LY86: variants seen among roughly 807,000 people sequenced by gnomAD.
LY86 encodes the protein lymphocyte antigen 86, also known as MD-1, RP105-associated.
Under a neutral mutation model 17.3 loss-of-function variants are expected in LY86, and 20 were observed. The ratio of observed to expected loss-of-function variants is 1.15; its 90% CI spans 0.81 to 1.68. The LOEUF (loss-of-function observed/expected upper bound fraction) is 1.68, where lower values mean the gene tolerates loss of function less well. Ranked by LOEUF, LY86 falls within the 40% of genes most tolerant of loss-of-function variation. LY86 has a pLI of 0.00. For missense variants in LY86, 200 were observed against 191.9 expected (o/e 1.04, Z -0.25); for synonymous variants, 74 against 70.6 (o/e 1.05, Z -0.24).
intron 1 of LY86, among the ~76,000 whole-genome samples, chr6:6,594,849 A>C (rs73365321): frequency 6.6e-6 from 1 of 152,124 alleles, no homozygotes; most frequent in East Asian, 1.9e-4. Flanking sequence ...GGATATAGAA[A>C]CTGAAGCGTA....
intron 1 of LY86, chr6:6,622,563 C>T (rs1761704709): frequency 6.6e-6 from 1 of 152,204 alleles, no homozygotes; most frequent in South Asian, 2.1e-4. Flanking sequence ...GACAAAAGGG[C>T]TCTTTCCCAC....
At chr6:6,605,993 A>AT (rs1761126262) in intron 1 of LY86, among the ~76,000 whole-genome samples, 2 of 152,264 alleles carry the variant, frequency 1.3e-5, no homozygotes, top group East Asian at 3.9e-4. Context: ...AGCAAAATTT[A>AT]CTGCGAAAAG....
intron 3 of LY86, among the ~76,000 whole-genome samples, chr6:6,631,366 G>C (rs531262194): frequency 6.6e-6 from 1 of 152,226 alleles, no homozygotes; most frequent in African/African-American, 2.4e-5. Flanking sequence ...AAACCCCTCT[G>C]CTGTATATCT....
intron 1 of LY86, 137 bp downstream of exon 1, chr6:6,589,007 G>C: frequency 8.5e-7 from 1 of 1,172,306 alleles, no homozygotes. Context: ...CCTGCAGCAG[G>C]TCTGGGAGGG....
chr6:6,651,036 A>C (rs537020859), intron 4 of LY86, among the ~76,000 whole-genome samples: 1 of 152,146 alleles, frequency 6.6e-6, no homozygotes, highest in Admixed American at 6.5e-5. Context: ...CCATGTTGCC[A>C]CAAATGACAA....
At chr6:6,607,453 G>C (rs1761213547) in intron 1 of LY86, among the ~76,000 whole-genome samples, 1 of 151,432 alleles carries the variant, frequency 6.6e-6, no homozygotes. Flanking sequence ...TACCTGACTA[G>C]AAATAAAGTA....
chr6:6,619,160 A>T (rs1761619225), intron 1 of LY86, among the ~76,000 whole-genome samples: 1 of 152,196 alleles, frequency 6.6e-6, no homozygotes, highest in South Asian at 2.1e-4. Context: ...AAGAAGACAG[A>T]CTTCTAGATC....
chr6:6,622,903 C>A (rs1470921951), intron 1 of LY86: 2 of 152,232 alleles, frequency 1.3e-5, no homozygotes, highest in Admixed American at 6.5e-5. Flanking sequence ...TTTCACTGCA[C>A]AATACCCGGG....
rs376905599 is a variant in LY86 at position 6,637,129 on chromosome 6, T to C, written c.352+10708T>C. ...CCAGGTTCATGCCATTCTCCTGCCT[T>C]AGCCTCCCGAGGAGCTGGGACTAGA... On this transcript the variant is annotated intron_variant, in intron 3 of 4. Transcript: ENST00000230568. 8.8e-4 allele frequency among the ~76,000 whole-genome samples: 133 copies of C among 151,648 alleles called. 1 individual carries two copies. The highest frequency in any genetic ancestry group is 3.1e-3 in the African/African-American group (127 of 41,368).
chr6:6,639,394 T>C (rs187160885), intron 3 of LY86, among the ~76,000 whole-genome samples: 34 of 152,332 alleles, frequency 2.2e-4, no homozygotes, highest in African/African-American at 7.7e-4. Context: ...CCAAGGCCGC[T>C]GTATTAGCTT....
chr6:6,628,586 A>G (rs1761843962), intron 3 of LY86, among the ~76,000 whole-genome samples: 1 of 151,692 alleles, frequency 6.6e-6, no homozygotes, highest in Non-Finnish European at 1.5e-5. Context: ...AGCTTCCTCT[A>G]GCCCCAACAG....
intron 4 of LY86, 55 bp downstream of exon 4, chr6:6,649,732 G>A: frequency 9.9e-7 from 1 of 1,012,150 alleles, no homozygotes; most frequent in Non-Finnish European, 1.4e-6. Context: ...AGAAGAAGAA[G>A]AAGGCTAGAA....
intron 1 of LY86, among the ~76,000 whole-genome samples, chr6:6,593,993 C>A (rs944570585): frequency 6.6e-6 from 1 of 152,252 alleles, no homozygotes; most frequent in Non-Finnish European, 1.5e-5. Context: ...GTCCTGTGGG[C>A]AATCCTCCAT....
intron 1 of LY86, among the ~76,000 whole-genome samples, chr6:6,616,957 G>GGAGA (rs1761570315): frequency 6.6e-6 from 1 of 152,230 alleles, no homozygotes; most frequent in African/African-American, 2.4e-5. Flanking sequence ...GGTTCCCGCT[G>GGAGA]TCCCTAAGCC....
chr6:6,644,839 G>A (rs1328204883), intron 3 of LY86, among the ~76,000 whole-genome samples: 1 of 152,124 alleles, frequency 6.6e-6, no homozygotes, highest in Non-Finnish European at 1.5e-5. Context: ...AGGAATCTCA[G>A]AATTGGAGAG....
In LY86 at chr6:6,654,093, T is replaced by TC. The variant is rs565538129; in HGVS notation, c.406-445dup. ...TGTTGCCCTTACCTCACCCCCCCCA[T>TC]CCCCCCACTCCCTGCAGCCCCACTG... On this transcript the variant is annotated intron_variant, in intron 4 of 4. Transcript: ENST00000230568. Among the ~76,000 whole-genome samples the TC allele has an allele frequency of 1.2e-4, 17 of 137,930 alleles. No individual in the cohort carries two copies. The South Asian group carries it at 4.2e-3, about 34-fold the overall frequency. The allele number at this position is 137,930 out of a possible 152,430, so 90.5% of individuals were successfully genotyped here. A position where few individuals can be genotyped will look rare whatever the true frequency, so the allele number is the denominator to read the frequency against.
At chr6:6,596,913 GTC>G (rs1447693199) in intron 1 of LY86, among the ~76,000 whole-genome samples, 4 of 152,222 alleles carry the variant, frequency 2.6e-5, no homozygotes, top group Admixed American at 6.5e-5. Context: ...AAAGCCAAGA[GTC>G]TGTAGTTCTG....
chr6:6,612,266 T>C (rs1375631581), intron 1 of LY86, among the ~76,000 whole-genome samples: 2 of 152,238 alleles, frequency 1.3e-5, no homozygotes, highest in African/African-American at 2.4e-5. Flanking sequence ...GATGTTCAGA[T>C]GTGTTCTGAG....
rs547794609 is a variant in LY86 at position 6,589,993 on chromosome 6, C to T, written c.136+1123C>T. On this transcript the variant is annotated intron_variant, in intron 1 of 4. Coordinates refer to ENST00000230568, the MANE Select transcript of LY86 (RefSeq NM_004271.4). ...AAAATTAGCTGGGCATGGTGGCACGCGCCTGTAATCCCAGCTACTTGGGAG... is the reference window on the plus strand; with the variant it reads ...AAAATTAGCTGGGCATGGTGGCACGTGCCTGTAATCCCAGCTACTTGGGAG... 3.3e-5 allele frequency among the ~76,000 whole-genome samples: 5 copies of T among 152,046 alleles called. No individual in the cohort carries two copies. The South Asian group carries it at 8.3e-4, about 25-fold the overall frequency.
Sources: allele counts gnomAD v4.1 joint callset (sites outside exome capture counted in the v4.1 genomes callset), GRCh38; gene constraint gnomAD v4.1.1; transcripts MANE v1.5; gene names NCBI Gene and HGNC (gene_info 2026-07-23, HGNC 2026-07-21).